INPP4B: variants seen among roughly 807,000 people sequenced by gnomAD.
INPP4B encodes inositol polyphosphate 4-phosphatase type II.
In INPP4B, 55 loss-of-function variants were observed where a neutral mutation model predicts 122.5. The ratio of observed to expected loss-of-function variants is 0.45; its 90% CI spans 0.36 to 0.56. INPP4B has a LOEUF of 0.56. Ranked by LOEUF, INPP4B falls within the 20% of genes least tolerant of loss-of-function variation. The probability of loss-of-function intolerance (pLI) is 0.00; values close to 1 mark genes in which losing one functional copy is unlikely to be tolerated. For missense variants in INPP4B, 1,000 were observed against 1,097.7 expected (o/e 0.91, Z 1.26); for synonymous variants, 403 against 388.7 (o/e 1.04, Z -0.43).
intron 25 of INPP4B, among the ~76,000 whole-genome samples, chr4:142,051,118 AAAAT>A (rs1754356909): frequency 6.6e-6 from 1 of 152,028 alleles, no homozygotes; most frequent in Non-Finnish European, 1.5e-5. Context: ...TGTATAAGTT[AAAAT>A]AAATATATAG....
At chr4:142,466,519 C>G (rs138515353) in intron 2 of INPP4B, among the ~76,000 whole-genome samples, 1,682 of 152,178 alleles carry the variant, frequency 0.011, 15 homozygotes, top group Non-Finnish European at 0.016. Context: ...TTAGAACTTA[C>G]AATTAAAAGG....
intron 2 of INPP4B, among the ~76,000 whole-genome samples, chr4:142,625,713 C>T (rs1394776953): frequency 9.9e-5 from 15 of 152,138 alleles, no homozygotes; most frequent in Admixed American, 2.6e-4. Context: ...GGAGGCATCA[C>T]ACTACCTGAT....
chr4:142,061,883 C>CATAT (rs1760922182), intron 25 of INPP4B, among the ~76,000 whole-genome samples: 4 of 11,656 alleles, frequency 3.4e-4, no homozygotes, highest in Non-Finnish European at 1.5e-3. Flanking sequence ...CACACACACA[C>CATAT]ACATATATAT....
At chr4:142,558,213 A>T (rs189042652) in intron 2 of INPP4B, among the ~76,000 whole-genome samples, 1 of 152,296 alleles carries the variant, frequency 6.6e-6, no homozygotes, top group Admixed American at 6.5e-5. Flanking sequence ...CTTGACCGCT[A>T]GATTTTGAGC....
chr4:142,446,525 GTAGA>G (rs1379156030), intron 3 of INPP4B, among the ~76,000 whole-genome samples: 1 of 152,114 alleles, frequency 6.6e-6, no homozygotes, highest in Non-Finnish European at 1.5e-5. Context: ...AGCATATAAT[GTAGA>G]TAAACTCTTA....
intron 16 of INPP4B, among the ~76,000 whole-genome samples, chr4:142,171,334 T>C (rs1001924318): frequency 5.3e-5 from 8 of 151,798 alleles, no homozygotes; most frequent in African/African-American, 9.7e-5. Context: ...TATGGATTAG[T>C]CCCTAAGAAA....
intron 5 of INPP4B, among the ~76,000 whole-genome samples, chr4:142,424,094 T>G (rs1251857420): frequency 6.6e-6 from 1 of 152,020 alleles, no homozygotes; most frequent in African/African-American, 2.4e-5. Flanking sequence ...TAATTTCCCC[T>G]TTCCTCTAAT....
intron 2 of INPP4B, among the ~76,000 whole-genome samples, chr4:142,499,931 C>T (rs574469157): frequency 6.6e-6 from 1 of 152,228 alleles, no homozygotes; most frequent in East Asian, 1.9e-4. Context: ...GTAATACAAC[C>T]GTCGCTGAAA....
At chr4:142,436,352 C>A (rs1291539614) in intron 3 of INPP4B, among the ~76,000 whole-genome samples, 1 of 152,198 alleles carries the variant, frequency 6.6e-6, no homozygotes, top group African/African-American at 2.4e-5. Context: ...ATCCAGGCAG[C>A]CCAGAAGAGC....
chr4:142,626,287 T>C (rs1486859795), intron 2 of INPP4B, among the ~76,000 whole-genome samples: 1 of 152,026 alleles, frequency 6.6e-6, no homozygotes, highest in Non-Finnish European at 1.5e-5. Flanking sequence ...CAGTTGAGTT[T>C]ATTCAAAAGG....
intron 2 of INPP4B, among the ~76,000 whole-genome samples, chr4:142,717,122 AT>A (rs1763877340): frequency 6.6e-6 from 1 of 152,174 alleles, no homozygotes; most frequent in Non-Finnish European, 1.5e-5. Flanking sequence ...GTTAAAATGT[AT>A]AGATTACCAA....
At chr4:142,168,059 G>T (rs990817073) in intron 16 of INPP4B, among the ~76,000 whole-genome samples, 1 of 151,158 alleles carries the variant, frequency 6.6e-6, no homozygotes, top group African/African-American at 2.4e-5. Flanking sequence ...ATTCTTGTTG[G>T]TGAACGTCAG....
chr4:142,516,560 C>A (rs191955215), intron 2 of INPP4B, among the ~76,000 whole-genome samples: 4 of 152,242 alleles, frequency 2.6e-5, no homozygotes, highest in Admixed American at 2.6e-4. Context: ...CTCCAGAGAT[C>A]AACACACAAT....
intron 25 of INPP4B, among the ~76,000 whole-genome samples, chr4:142,059,469 C>T (rs1480774457): frequency 1.3e-5 from 2 of 152,082 alleles, no homozygotes; most frequent in Non-Finnish European, 2.9e-5. Context: ...GTGATTCTCT[C>T]TCAGTAGATT....
At chr4:142,116,283 A>C (rs1016552196) in intron 21 of INPP4B, among the ~76,000 whole-genome samples, 2 of 152,126 alleles carry the variant, frequency 1.3e-5, no homozygotes, top group African/African-American at 4.8e-5. Context: ...GATATCCAGG[A>C]ATTGAACTCA....
At chr4:142,287,720 A>C (rs1754434836) in intron 9 of INPP4B, 1 of 152,218 alleles carries the variant, frequency 6.6e-6, no homozygotes, top group Non-Finnish European at 1.5e-5. Flanking sequence ...AACAACAAGA[A>C]CACACAGTTG....
At chr4:142,174,915 G>A (rs1343674243) in intron 15 of INPP4B, among the ~76,000 whole-genome samples, 2 of 152,010 alleles carry the variant, frequency 1.3e-5, no homozygotes, top group South Asian at 2.1e-4. Flanking sequence ...ACAGGCTTGA[G>A]GATTATTGAC....
intron 9 of INPP4B, among the ~76,000 whole-genome samples, chr4:142,295,412 G>T (rs1397301188): frequency 6.6e-6 from 1 of 152,148 alleles, no homozygotes; most frequent in Non-Finnish European, 1.5e-5. Flanking sequence ...GTTCATTTGG[G>T]TGAGGATCAC....
At chr4:142,800,638 G>A (rs1777884332) in intron 1 of INPP4B, among the ~76,000 whole-genome samples, 2 of 152,136 alleles carry the variant, frequency 1.3e-5, no homozygotes, top group South Asian at 4.1e-4. Flanking sequence ...TAAAGGCAAA[G>A]CACTAAGTAA....
Sources: allele counts gnomAD v4.1 joint callset (sites outside exome capture counted in the v4.1 genomes callset), GRCh38; gene constraint gnomAD v4.1.1; transcripts MANE v1.5; gene names NCBI Gene and HGNC (gene_info 2026-07-23, HGNC 2026-07-21).